The following COQ8A variants were observed in gnomAD, a reference collection of about 807,000 sequenced individuals.
COQ8A encodes the protein atypical kinase COQ8A, mitochondrial.
In COQ8A, 51 loss-of-function variants were observed where a neutral mutation model predicts 65.0. The observed-to-expected ratio is 0.78, with a 90% CI of 0.63 to 0.99. The LOEUF is 0.99. Ranked by LOEUF, COQ8A falls within the 50% of genes least tolerant of loss-of-function variation. COQ8A has a pLI of 0.00. For synonymous variants in COQ8A, 371 were observed against 353.2 expected (o/e 1.05, Z -0.57); for missense variants, 940 against 875.0 (o/e 1.07, Z -0.94).
At position 226,983,644 on chromosome 1, in the gene COQ8A, A is replaced by G; in HGVS notation, c.1162+11A>G. 6.2e-7 allele frequency: 1 copy of G among 1,613,782 alleles called. No homozygotes were observed. The highest frequency in any genetic ancestry group is 8.5e-7 in the Non-Finnish European group (1 of 1,179,908). On this transcript the variant is annotated intron_variant, in intron 9 of 14. Coordinates refer to ENST00000366777, the MANE Select transcript of COQ8A (RefSeq NM_020247.5). ...ACATGCTTCCAGAAGGTCTGAGGCT[A>G]GGTGGTTGGGTCAAGGGCAGGAGTG...
At chr1:226,954,992 C>T (rs1380596331) in intron 1 of COQ8A, among the ~76,000 whole-genome samples, 6 of 152,094 alleles carry the variant, frequency 3.9e-5, no homozygotes. Flanking sequence ...TGTGCCCCCT[C>T]TGCACAGGCC....
chr1:226,948,250 G>C (rs867857861), intron 1 of COQ8A, among the ~76,000 whole-genome samples: 35 of 152,338 alleles, frequency 2.3e-4, no homozygotes, highest in Middle Eastern at 6.8e-3. Flanking sequence ...GAGGCTGCCT[G>C]CATTCCTTGG....
At chr1:226,975,831 C>G (rs528795681) in intron 4 of COQ8A, among the ~76,000 whole-genome samples, 1 of 152,116 alleles carries the variant, frequency 6.6e-6, no homozygotes, top group Non-Finnish European at 1.5e-5. Context: ...AAAAATGTAT[C>G]GCAAAAACAT....
chr1:226,976,175 C>T (rs111475239), intron 4 of COQ8A, among the ~76,000 whole-genome samples: 141 of 5,466 alleles, frequency 0.026, no homozygotes, highest in East Asian at 0.039. Context: ...TGCCTGGCTG[C>T]GGGGCTGCGG....
rs769458611 is a variant in COQ8A, at chr1:226,965,425, C to T, written c.588+15C>T. 5.6e-6 allele frequency: 9 copies of T among 1,603,920 alleles called. No homozygotes were observed. The Admixed American group carries it at 1.4e-4, about 25-fold the overall frequency. On this transcript the variant is annotated intron_variant, in intron 3 of 14. Transcript: ENST00000366777. ...ACAAACAGACGGTGCGTATGGGAGG[C>T]CCCTGGAGGGCCGAGGTAGCTGCCA...
chr1:226,961,701 C>G (rs1419704551), intron 2 of COQ8A, 139 bp downstream of exon 2: 2 of 1,087,234 alleles, frequency 1.8e-6, no homozygotes, highest in South Asian at 1.6e-5. Context: ...ATGTGTCCCA[C>G]GGTCCTTCCA....
At chr1:226,983,739 G>C in intron 9 of COQ8A, 22 bp from the exon 10 acceptor site, 1 of 1,613,106 alleles carries the variant, frequency 6.2e-7, no homozygotes, top group Non-Finnish European at 8.5e-7. Context: ...CTTCCTCGCT[G>C]ATGCCCTCCT....
chr1:226,977,066 CTG>C (rs1447014631), intron 4 of COQ8A, among the ~76,000 whole-genome samples: 1 of 152,132 alleles, frequency 6.6e-6, no homozygotes, highest in African/African-American at 2.4e-5. Context: ...TCAGGGTGCC[CTG>C]TGTGGTCGGG....
intron 1 of COQ8A, among the ~76,000 whole-genome samples, chr1:226,954,902 C>G (rs1023501725): frequency 6.6e-6 from 1 of 152,022 alleles, no homozygotes; most frequent in Non-Finnish European, 1.5e-5. Context: ...GGGATGGGCA[C>G]AGGGTGCTGG....
chr1:226,964,985 C>T lies in COQ8A; in HGVS notation c.178-15C>T. 6.2e-7 allele frequency: 1 copy of T among 1,613,594 alleles called. No homozygotes were observed. The highest frequency in any genetic ancestry group is 2.2e-5 in the East Asian group (1 of 44,872). On this transcript the variant is annotated splice_polypyrimidine_tract_variant and intron_variant, in intron 2 of 14. Coordinates refer to ENST00000366777, the MANE Select transcript of COQ8A (RefSeq NM_020247.5). Reference sequence around the variant, plus strand: ...TCGCTCTTGCTCTCCTAATGCTGGCCTTTGCTCCCTGCAGGGTCAGGATAA... The same window carrying T: ...TCGCTCTTGCTCTCCTAATGCTGGCTTTTGCTCCCTGCAGGGTCAGGATAA...
intron 1 of COQ8A, among the ~76,000 whole-genome samples, chr1:226,951,406 C>A (rs560445375): frequency 7.2e-5 from 11 of 152,212 alleles, no homozygotes; most frequent in African/African-American, 2.6e-4. Context: ...TTGGACAACC[C>A]CTCCCAGCCC....
intron 1 of COQ8A, among the ~76,000 whole-genome samples, chr1:226,948,797 C>A (rs1021941503): frequency 6.6e-6 from 1 of 152,014 alleles, no homozygotes; most frequent in Admixed American, 6.6e-5. Context: ...GAGTAACTTA[C>A]AATGTAGGAA....
At chr1:226,976,274 G>A (rs1279486490) in intron 4 of COQ8A, among the ~76,000 whole-genome samples, 5 of 149,210 alleles carry the variant, frequency 3.4e-5, no homozygotes, top group Non-Finnish European at 1.5e-5. Flanking sequence ...CTGGCTGCGG[G>A]GCTGCAGGGC....
chr1:226,959,608 C>T (rs1558186392), intron 1 of COQ8A, among the ~76,000 whole-genome samples: 1 of 152,188 alleles, frequency 6.6e-6, no homozygotes, highest in Admixed American at 6.5e-5. Context: ...TGTTTATTAG[C>T]AGCATCTGTT....
intron 5 of COQ8A, among the ~76,000 whole-genome samples, chr1:226,979,329 C>T (rs1213682079): frequency 1.3e-5 from 2 of 152,228 alleles, no homozygotes; most frequent in African/African-American, 2.4e-5. Context: ...CGCCTTCTGC[C>T]TGTGAACACC....
At chr1:226,947,808 T>A (rs887162346) in intron 1 of COQ8A, among the ~76,000 whole-genome samples, 2,006 of 151,364 alleles carry the variant, frequency 0.013, 46 homozygotes, top group African/African-American at 0.045. Context: ...AAAATATATA[T>A]ATATATATAT....
intron 1 of COQ8A, among the ~76,000 whole-genome samples, chr1:226,957,159 C>CGCTCTCCCTGGCTTCT (rs1434121586): frequency 2.0e-5 from 3 of 150,950 alleles, no homozygotes; most frequent in Non-Finnish European, 3.0e-5. Flanking sequence ...CCCTGGCTTC[C>CGCTCTCCCTGGCTTCT]GCTCTCCCTG....
chr1:226,956,974 A>T (rs1344169681), intron 1 of COQ8A, among the ~76,000 whole-genome samples: 2 of 68,938 alleles, frequency 2.9e-5, no homozygotes, highest in Admixed American at 1.8e-4. Context: ...CCTGGCTGCC[A>T]CTCTCCCTGG....
At chr1:226,965,872 A>G (rs1418577797) in intron 4 of COQ8A, 135 bp downstream of exon 4, 1 of 908,386 alleles carries the variant, frequency 1.1e-6, no homozygotes, top group Non-Finnish European at 1.7e-6. Flanking sequence ...CCGCCCCTGC[A>G]TGAGCTTTTG....
Sources: allele counts gnomAD v4.1 joint callset (sites outside exome capture counted in the v4.1 genomes callset), GRCh38; gene constraint gnomAD v4.1.1; transcripts MANE v1.5; gene names NCBI Gene and HGNC (gene_info 2026-07-23, HGNC 2026-07-21).